BCL11B: variants seen among roughly 807,000 people sequenced by gnomAD.
The protein encoded by BCL11B is B-cell lymphoma/leukemia 11B.
BCL11B carries 8 observed loss-of-function variants against 49.9 expected under a neutral mutation model. That is an observed-to-expected ratio of 0.16 (90% CI 0.09 to 0.29). BCL11B has a LOEUF of 0.29. BCL11B is among the 10% of genes least tolerant of loss of function. The probability of loss-of-function intolerance (pLI) is 1.00; values close to 1 mark genes in which losing one functional copy is unlikely to be tolerated. For missense variants in BCL11B, 1,006 were observed against 1,351.0 expected, an observed-to-expected ratio of 0.74 and a Z score of 4.00; for synonymous variants, 739 against 637.4, an observed-to-expected ratio of 1.16 and a Z score of -2.40.
At chr14:99,251,966 A>C (rs1483717443) in intron 2 of BCL11B, among the ~76,000 whole-genome samples, 3 of 152,178 alleles carry the variant, frequency 2.0e-5, no homozygotes, top group African/African-American at 7.2e-5. Flanking sequence ...CCCCAGTTCA[A>C]AGTAGGGTTA....
intron 3 of BCL11B, among the ~76,000 whole-genome samples, chr14:99,183,052 A>C (rs961163261): frequency 1.5e-5 from 2 of 131,362 alleles, no homozygotes; most frequent in African/African-American, 5.9e-5. Context: ...TGCAGCTCAC[A>C]CTCCAGGGGG....
intron 2 of BCL11B, among the ~76,000 whole-genome samples, chr14:99,243,661 C>G (rs1053283220): frequency 6.6e-6 from 1 of 152,156 alleles, no homozygotes; most frequent in African/African-American, 2.4e-5. Flanking sequence ...AACAACGACA[C>G]GGCCCCTGAC....
chr14:99,212,663 GC>G (rs1887721292), intron 3 of BCL11B, among the ~76,000 whole-genome samples: 1 of 152,128 alleles, frequency 6.6e-6, no homozygotes, highest in African/African-American at 2.4e-5. Flanking sequence ...ACGGACCTCA[GC>G]CCCGACCTCA....
chr14:99,184,737 G>A lies in BCL11B; in HGVS notation c.641-8542C>T, dbSNP rs534612435. ...CCTGGGATTGCCAGCAAGCCAGCCC[G>A]GGAGGCCAAGCTGAAGGCCTTCGAG... On this transcript the variant is annotated intron_variant, in intron 3 of 3. Coordinates refer to ENST00000357195, the MANE Select transcript of BCL11B (RefSeq NM_138576.4). This position sits in a 1 kb window ranked among gnomAD's most constrained non-coding sequence, Gnocchi z 6.1. 2.4e-4 allele frequency among the ~76,000 whole-genome samples: 37 copies of A among 152,284 alleles called. No homozygotes were observed. The East Asian group carries it at 5.6e-3, about 23-fold the overall frequency.
chr14:99,190,607 G>A (rs1193948328), intron 3 of BCL11B, among the ~76,000 whole-genome samples: 1 of 152,152 alleles, frequency 6.6e-6, no homozygotes, highest in Non-Finnish European at 1.5e-5. Context: ...CTAAGGGAAG[G>A]AGGGAAGAGG....
chr14:99,176,241 G>A, intron 3 of BCL11B, 46 bp from the exon 4 acceptor site: 1 of 1,566,466 alleles, frequency 6.4e-7, no homozygotes, highest in Non-Finnish European at 8.7e-7. Context: ...GTGAGAAGCG[G>A]CAGCGGGGCG....
intron 3 of BCL11B, among the ~76,000 whole-genome samples, chr14:99,227,049 C>G (rs1888179449): frequency 6.6e-6 from 1 of 152,180 alleles, no homozygotes; most frequent in East Asian, 1.9e-4. Flanking sequence ...TGAACTTCAC[C>G]AAGTACACAT....
intron 3 of BCL11B, among the ~76,000 whole-genome samples, chr14:99,209,047 G>C (rs1284657108): frequency 6.6e-6 from 1 of 152,184 alleles, no homozygotes; most frequent in Non-Finnish European, 1.5e-5. Flanking sequence ...CAGTGGGGAA[G>C]AGCTTTACTA....
At chr14:99,252,525 G>A (rs573785262) in intron 2 of BCL11B, among the ~76,000 whole-genome samples, 1 of 152,174 alleles carries the variant, frequency 6.6e-6, no homozygotes, top group Admixed American at 6.5e-5. Context: ...GGGTCACTGG[G>A]GCCCCAAACC....
rs780863859 is a variant in BCL11B at position 99,175,044 on chromosome 14, C to T, written c.1792G>A (p.Val598Ile). Residue 598 changes from valine to isoleucine, a missense_variant, in exon 4 of 4, where the codon GTC becomes ATC. This residue lies in a region of BCL11B where 443 missense variants were observed against 499.7 expected (regional missense o/e 0.89). Coordinates refer to ENST00000357195, the MANE Select transcript of BCL11B (RefSeq NM_138576.4). The part of the protein sequence containing the change: ...ADEKALVLGK[V>I]MENVGLGALP... ...GCGCCTAGGCCCACGTTCTCCATGA[C>T]CTTGCCCAGCACCAGCGCCTTCTCG... 6.3e-7 allele frequency: 1 copy of T among 1,598,342 alleles called. No homozygotes were observed. Among genetic ancestry groups the T allele is most frequent in the Non-Finnish European group, 8.5e-7 (1 of 1,177,192 alleles).
At chr14:99,237,145 A>G (rs1232163778) in intron 2 of BCL11B, among the ~76,000 whole-genome samples, 1 of 152,034 alleles carries the variant, frequency 6.6e-6, no homozygotes, top group Non-Finnish European at 1.5e-5. Flanking sequence ...TCGTTTGCTC[A>G]ATTTCAGAGC....
chr14:99,176,864 T>C (rs1363205680), intron 3 of BCL11B, among the ~76,000 whole-genome samples: 1 of 151,870 alleles, frequency 6.6e-6, no homozygotes, highest in African/African-American at 2.4e-5. Context: ...ATTCTGATAA[T>C]ATTTGATTCC....
At position 99,215,726 on chromosome 14, in the gene BCL11B, C is replaced by T. The variant is rs147383780; in HGVS notation, c.640+15619G>A. 4.0e-3 allele frequency among the ~76,000 whole-genome samples: 607 copies of T among 152,264 alleles called. 5 individuals carry two copies. Among genetic ancestry groups the T allele is most frequent in the African/African-American group, 0.014 (576 of 41,546 alleles). ...ATTAGCTGTTTGCTTTCAGCCAATC[C>T]CTTCTTAAAGACATGTATATTAAGA... On this transcript the variant is annotated intron_variant, in intron 3 of 3. Transcript: ENST00000357195.
intron 3 of BCL11B, among the ~76,000 whole-genome samples, chr14:99,225,909 T>G (rs554482653): frequency 1.8e-4 from 27 of 151,356 alleles, no homozygotes; most frequent in African/African-American, 5.9e-4. Flanking sequence ...TTCCCCCAAC[T>G]GGGGGGCTTG....
intron 3 of BCL11B, among the ~76,000 whole-genome samples, chr14:99,179,164 T>A (rs1886625007): frequency 6.6e-6 from 1 of 152,182 alleles, no homozygotes; most frequent in South Asian, 2.1e-4. Flanking sequence ...GTGTTTCCAC[T>A]TCTTGTTTGT....
rs942287446 is a variant in BCL11B at position 99,172,699 on chromosome 14, G to A, written c.*1452C>T. 3.2e-5 allele frequency: 7 copies of A among 216,468 alleles called. No homozygotes were observed. Among genetic ancestry groups the A allele is most frequent in the Non-Finnish European group, 6.5e-5 (7 of 107,298 alleles). The allele number at this position is 216,468 out of a possible 1,614,324, so 13.4% of individuals were successfully genotyped here. ...TCCCTTACAGTTTAACCCACCTCTG[G>A]GCCAAAGAGAAGAATATGCTGCAAT... On this transcript the variant is annotated 3_prime_UTR_variant, in exon 4 of 4. Transcript: ENST00000357195.
At chr14:99,258,165 A>C (rs1442570862) in intron 1 of BCL11B, among the ~76,000 whole-genome samples, 2 of 152,188 alleles carry the variant, frequency 1.3e-5, no homozygotes, top group Non-Finnish European at 2.9e-5. Flanking sequence ...ACGTGCATAC[A>C]CACACACCCT....
At chr14:99,218,777 G>A (rs967165926) in intron 3 of BCL11B, among the ~76,000 whole-genome samples, 4 of 152,298 alleles carry the variant, frequency 2.6e-5, no homozygotes, top group African/African-American at 2.4e-5. Flanking sequence ...CTGTAAATGT[G>A]AGCTTATTTA....
intron 3 of BCL11B, among the ~76,000 whole-genome samples, chr14:99,191,131 C>A (rs1887016159): frequency 6.6e-6 from 1 of 152,152 alleles, no homozygotes; most frequent in Admixed American, 6.5e-5. Flanking sequence ...GACAGTGGTT[C>A]TCAACTGAGG....
Sources: gnomAD v4.1 joint callset for allele counts (sites outside exome capture counted in the v4.1 genomes callset) on GRCh38, gnomAD v4.1.1 for gene constraint, gnomAD v4.1.1 regional missense constraint, Gnocchi (gnomAD v3.1) non-coding constraint, MANE v1.5 for transcripts, NCBI Gene and HGNC (gene_info 2026-07-23, HGNC 2026-07-21) for gene names.